OSTF1: variants seen among roughly 807,000 people sequenced by gnomAD.
The protein encoded by OSTF1 is osteoclast-stimulating factor 1.
In OSTF1, 27 loss-of-function variants were observed where a neutral mutation model predicts 37.2. The observed-to-expected ratio is 0.73, with a 90% CI of 0.54 to 1.00. The LOEUF (loss-of-function observed/expected upper bound fraction) is 1.00, where lower values mean the gene tolerates loss of function less well. OSTF1 is among the 50% of genes least tolerant of loss of function. The probability of loss-of-function intolerance (pLI) is 0.00; values close to 1 mark genes in which losing one functional copy is unlikely to be tolerated. For missense variants in OSTF1, 232 were observed against 253.8 expected, an observed-to-expected ratio of 0.91 and a Z score of 0.58; for synonymous variants, 82 against 89.2, an observed-to-expected ratio of 0.92 and a Z score of 0.46.
intron 1 of OSTF1, among the ~76,000 whole-genome samples, chr9:75,092,960 C>T (rs1030756956): frequency 1.3e-5 from 2 of 152,074 alleles, no homozygotes; most frequent in African/African-American, 4.8e-5. Flanking sequence ...TTATCTGTGC[C>T]ACCATGGTAC....
chr9:75,111,408 G>A (rs1256364930), intron 1 of OSTF1, among the ~76,000 whole-genome samples: 1 of 152,170 alleles, frequency 6.6e-6, no homozygotes, highest in African/African-American at 2.4e-5. Flanking sequence ...ACAGAACAGA[G>A]AAGGGTGGGA....
intron 1 of OSTF1, among the ~76,000 whole-genome samples, chr9:75,093,530 T>G (rs1476434374): frequency 1.3e-5 from 2 of 152,162 alleles, no homozygotes; most frequent in African/African-American, 2.4e-5. Context: ...CTTATTGATT[T>G]TGGTGGTGAA....
intron 2 of OSTF1, among the ~76,000 whole-genome samples, chr9:75,120,655 A>G (rs1410934305): frequency 6.6e-6 from 1 of 151,998 alleles, no homozygotes; most frequent in Non-Finnish European, 1.5e-5. Flanking sequence ...CTGCCTACAG[A>G]CTTAGCTCCT....
intron 2 of OSTF1, among the ~76,000 whole-genome samples, chr9:75,120,329 A>G (rs1157441932): frequency 6.6e-6 from 1 of 152,060 alleles, no homozygotes; most frequent in African/African-American, 2.4e-5. Flanking sequence ...AGCCCTGCTC[A>G]CGGGGAGCGC....
chr9:75,105,415 G>T (rs1825267085), intron 1 of OSTF1, among the ~76,000 whole-genome samples: 1 of 152,096 alleles, frequency 6.6e-6, no homozygotes, highest in Non-Finnish European at 1.5e-5. Context: ...CACAGACAAA[G>T]AACAAATGAA....
At chr9:75,121,451 A>G (rs1385731942) in intron 2 of OSTF1, among the ~76,000 whole-genome samples, 1 of 152,160 alleles carries the variant, frequency 6.6e-6, no homozygotes. Flanking sequence ...TGTATTTTTA[A>G]TATTTTTAGT....
intron 2 of OSTF1, among the ~76,000 whole-genome samples, chr9:75,119,762 C>T (rs1468420014): frequency 2.0e-5 from 3 of 152,130 alleles, no homozygotes; most frequent in East Asian, 1.9e-4. Flanking sequence ...GTCAGAAGAT[C>T]GAGGCCATCC....
At chr9:75,120,901 C>T (rs1446503942) in intron 2 of OSTF1, among the ~76,000 whole-genome samples, 1 of 152,202 alleles carries the variant, frequency 6.6e-6, no homozygotes, top group East Asian at 1.9e-4. Flanking sequence ...TCCAAGCTGA[C>T]ATTAAATACT....
At chr9:75,089,603 A>G (rs903368651) in intron 1 of OSTF1, among the ~76,000 whole-genome samples, 1 of 152,216 alleles carries the variant, frequency 6.6e-6, no homozygotes, top group African/African-American at 2.4e-5. Flanking sequence ...ACGTATTTCA[A>G]TACTTTAACA....
intron 7 of OSTF1, among the ~76,000 whole-genome samples, chr9:75,137,219 A>G (rs1012846890): frequency 3.3e-5 from 5 of 152,092 alleles, no homozygotes; most frequent in African/African-American, 2.4e-5. Flanking sequence ...GGAATCTCCA[A>G]TTCCTAATTT....
At chr9:75,122,311 G>T (rs577502148) in intron 2 of OSTF1, among the ~76,000 whole-genome samples, 66 of 152,266 alleles carry the variant, frequency 4.3e-4, no homozygotes, top group African/African-American at 1.5e-3. Flanking sequence ...GCTGAGATAG[G>T]AGCCCAGCCC....
At chr9:75,107,310 C>G (rs541764660) in intron 1 of OSTF1, among the ~76,000 whole-genome samples, 6 of 152,046 alleles carry the variant, frequency 3.9e-5, no homozygotes, top group East Asian at 3.9e-4. Flanking sequence ...TTTCTTACCC[C>G]GAGAGTAGCC....
chr9:75,141,345 ACTCTTCAGATGATTCTG>A (rs1825941748), intron 9 of OSTF1, among the ~76,000 whole-genome samples: 1 of 145,764 alleles, frequency 6.9e-6, no homozygotes, highest in Non-Finnish European at 1.5e-5. Flanking sequence ...AAAAAGATAA[ACTCTTCAGATGATTCTG>A]AAGTTTGTTT....
At position 75,116,122 on chromosome 9, in the gene OSTF1, T is replaced by C. The variant is rs1825484347; in HGVS notation, c.35-1382T>C. On this transcript the variant is annotated intron_variant, in intron 1 of 9. Transcript: ENST00000346234. Reference sequence around the variant, plus strand: ...CTGTTTCAAATAATAATAATTATTATTATAATAATACAATAATACAAATAA... The same window carrying C: ...CTGTTTCAAATAATAATAATTATTACTATAATAATACAATAATACAAATAA... Among the ~76,000 whole-genome samples the C allele has an allele frequency of 1.3e-5, 2 of 151,614 alleles. 1 individual carries two copies. Among genetic ancestry groups the C allele is most frequent in the South Asian group, 4.1e-4 (2 of 4,826 alleles).
chr9:75,111,374 T>G (rs369260013), intron 1 of OSTF1, among the ~76,000 whole-genome samples: 2 of 152,148 alleles, frequency 1.3e-5, no homozygotes, highest in South Asian at 4.1e-4. Flanking sequence ...CTCACCCTTC[T>G]CTTCAGGGAC....
chr9:75,089,078 G>T (rs1824880784), intron 1 of OSTF1, among the ~76,000 whole-genome samples: 1 of 152,074 alleles, frequency 6.6e-6, no homozygotes. Context: ...AAAATGTCAT[G>T]AAATGATCTT....
chr9:75,143,829 A>G (rs1825981237), intron 9 of OSTF1, among the ~76,000 whole-genome samples: 1 of 152,232 alleles, frequency 6.6e-6, no homozygotes, highest in African/African-American at 2.4e-5. Context: ...GGCTCATCAC[A>G]CAACACCTGA....
At chr9:75,098,133 A>G (rs1159302374) in intron 1 of OSTF1, among the ~76,000 whole-genome samples, 1 of 152,120 alleles carries the variant, frequency 6.6e-6, no homozygotes. Context: ...TGGCCTCTCA[A>G]ATAATTTCTC....
At chr9:75,134,495 C>A in intron 7 of OSTF1, 100 bp downstream of exon 7, 1 of 632,472 alleles carries the variant, frequency 1.6e-6, no homozygotes, top group Non-Finnish European at 2.8e-6. Context: ...CAAAATCCCA[C>A]AAGCACATAA....
Sources: gnomAD v4.1 joint callset for allele counts (sites outside exome capture counted in the v4.1 genomes callset) on GRCh38, gnomAD v4.1.1 for gene constraint, MANE v1.5 for transcripts, NCBI Gene and HGNC (gene_info 2026-07-23, HGNC 2026-07-21) for gene names.